The following DSCAM variants were observed in gnomAD, a reference collection of about 807,000 sequenced individuals.
DSCAM encodes cell adhesion molecule DSCAM.
A neutral mutation model predicts 217.7 loss-of-function variants in DSCAM; 47 were observed. The ratio of observed to expected loss-of-function variants is 0.22; its 90% CI spans 0.17 to 0.28. The LOEUF is 0.28. Among genes scored for constraint, DSCAM ranks in the 10% least tolerant of loss-of-function variants. The pLI, the probability that DSCAM is intolerant of heterozygous loss-of-function variation, is 1.00. For synonymous variants in DSCAM, 1,056 were observed against 1,015.3 expected (o/e 1.04, Z -0.76); for missense variants, 2,080 against 2,618.3 (o/e 0.79, Z 4.49).
chr21:40,215,452 A>C (rs893796325), intron 11 of DSCAM, among the ~76,000 whole-genome samples: 3 of 149,706 alleles, frequency 2.0e-5, no homozygotes, highest in Non-Finnish European at 4.4e-5. Flanking sequence ...ATTGTGATAT[A>C]TATACCATGA....
intron 11 of DSCAM, among the ~76,000 whole-genome samples, chr21:40,249,363 G>A (rs931226248): frequency 1.3e-5 from 2 of 152,034 alleles, no homozygotes; most frequent in Non-Finnish European, 2.9e-5. Context: ...GAGATCTGAT[G>A]GTTTTATCAG....
intron 11 of DSCAM, among the ~76,000 whole-genome samples, chr21:40,253,176 T>C (rs992543114): frequency 6.6e-5 from 10 of 152,128 alleles, no homozygotes; most frequent in Non-Finnish European, 8.8e-5. Context: ...GGATGGTTGG[T>C]CCACAGTGAG....
At chr21:40,159,197 T>C (rs868476449) in intron 16 of DSCAM, among the ~76,000 whole-genome samples, 3 of 152,316 alleles carry the variant, frequency 2.0e-5, no homozygotes, top group South Asian at 4.1e-4. Context: ...GTCCATGACA[T>C]AGCAGATGCC....
chr21:40,307,302 C>T (rs1264353276), intron 9 of DSCAM, among the ~76,000 whole-genome samples: 6 of 151,888 alleles, frequency 4.0e-5, no homozygotes, highest in Non-Finnish European at 8.8e-5. Context: ...CAAAAGAAGA[C>T]ATTTATGCAG....
At chr21:40,181,669 A>G (rs928336922) in intron 14 of DSCAM, among the ~76,000 whole-genome samples, 3 of 151,120 alleles carry the variant, frequency 2.0e-5, no homozygotes, top group Non-Finnish European at 4.4e-5. Context: ...GGATTTTGAT[A>G]TTTCCGGGCA....
At chr21:40,526,981 C>T (rs887015218) in intron 3 of DSCAM, among the ~76,000 whole-genome samples, 2 of 152,114 alleles carry the variant, frequency 1.3e-5, no homozygotes, top group African/African-American at 4.8e-5. Flanking sequence ...AAGTTAGCAG[C>T]ATTTGCACTG....
At chr21:40,115,449 G>GAT (rs754093124) in intron 20 of DSCAM, among the ~76,000 whole-genome samples, 5 of 152,110 alleles carry the variant, frequency 3.3e-5, no homozygotes, top group Non-Finnish European at 7.3e-5. Context: ...AGCATTAGGA[G>GAT]ATATACCTAA....
chr21:40,052,951 T>C (rs1278919533), intron 29 of DSCAM, among the ~76,000 whole-genome samples: 1 of 152,218 alleles, frequency 6.6e-6, no homozygotes, highest in East Asian at 1.9e-4. Context: ...AAAAAGCTTT[T>C]TTACTCCAAG....
At chr21:40,257,342 G>A (rs2073386184) in intron 11 of DSCAM, among the ~76,000 whole-genome samples, 3 of 151,818 alleles carry the variant, frequency 2.0e-5, no homozygotes, top group South Asian at 4.2e-4. Context: ...ATTGTACTGT[G>A]TTATATTTGT....
At chr21:40,843,192 C>T (rs2092116373) in intron 1 of DSCAM, among the ~76,000 whole-genome samples, 1 of 152,158 alleles carries the variant, frequency 6.6e-6, no homozygotes, top group Non-Finnish European at 1.5e-5. Flanking sequence ...AATTTCCTAT[C>T]AAGTGAATGG....
chr21:40,689,415 C>T (rs1388187842), intron 3 of DSCAM, among the ~76,000 whole-genome samples: 1 of 152,188 alleles, frequency 6.6e-6, no homozygotes, highest in African/African-American at 2.4e-5. Context: ...GGTCACACTT[C>T]GCCCTGAGCC....
chr21:40,189,851 C>T (rs57702524), intron 11 of DSCAM, among the ~76,000 whole-genome samples: 11,482 of 152,234 alleles, frequency 0.075, 1,377 homozygotes, highest in African/African-American at 0.25. Context: ...CTTTTGTAAA[C>T]AGCCCAGTCT....
intron 3 of DSCAM, among the ~76,000 whole-genome samples, chr21:40,376,170 T>C (rs2837589): frequency 0.68 from 103,878 of 151,994 alleles, 36,260 homozygotes; most frequent in African/African-American, 0.82. Flanking sequence ...TAATAAGATG[T>C]TAAATGGTAG....
At chr21:40,715,354 C>T (rs2090830343) in intron 1 of DSCAM, among the ~76,000 whole-genome samples, 1 of 152,188 alleles carries the variant, frequency 6.6e-6, no homozygotes, top group Admixed American at 6.5e-5. Flanking sequence ...CTCTTGGTCT[C>T]CATCACTGGC....
chr21:40,632,751 C>G (rs918104592), intron 3 of DSCAM, among the ~76,000 whole-genome samples: 1 of 152,192 alleles, frequency 6.6e-6, no homozygotes, highest in African/African-American at 2.4e-5. Context: ...AGCACCTGTG[C>G]GGTGCTTTTA....
chr21:40,502,525 A>G (rs895389730), intron 3 of DSCAM, among the ~76,000 whole-genome samples: 1 of 152,136 alleles, frequency 6.6e-6, no homozygotes, highest in Admixed American at 6.6e-5. Flanking sequence ...CAAGGGGAGA[A>G]TCTATTTTCT....
chr21:40,605,533 G>A (rs561610892), intron 3 of DSCAM, among the ~76,000 whole-genome samples: 8 of 152,230 alleles, frequency 5.3e-5, no homozygotes, highest in Admixed American at 2.6e-4. Context: ...AGCTCCTGAA[G>A]TGTCCTATTG....
At chr21:40,403,018 C>T (rs578026643) in intron 3 of DSCAM, among the ~76,000 whole-genome samples, 103 of 152,042 alleles carry the variant, frequency 6.8e-4, no homozygotes, top group Admixed American at 1.1e-3. Flanking sequence ...GCTCATTTAA[C>T]TATTTCCCAA....
At chr21:40,369,332 TC>T in intron 3 of DSCAM, 87 bp from the exon 4 acceptor site, 1 of 1,366,380 alleles carries the variant, frequency 7.3e-7, no homozygotes, top group Non-Finnish European at 9.8e-7. Context: ...GTTTTTTTTT[TC>T]CCCCACCTGA....
Sources: allele counts gnomAD v4.1 joint callset (sites outside exome capture counted in the v4.1 genomes callset), GRCh38; gene constraint gnomAD v4.1.1; transcripts MANE v1.5; gene names NCBI Gene and HGNC (gene_info 2026-07-23, HGNC 2026-07-21).